The following ME1 variants were observed in gnomAD, a reference collection of about 807,000 sequenced individuals.
ME1 encodes NADP-dependent malic enzyme.
ME1 carries 74 observed loss-of-function variants against 66.4 expected under a neutral mutation model. That is an observed-to-expected ratio of 1.11 (90% CI 0.92 to 1.35). ME1 has a LOEUF of 1.35. ME1 is among the 40% of genes most tolerant of loss of function. The pLI, the probability that ME1 is intolerant of heterozygous loss-of-function variation, is 0.00. For missense variants in ME1, 750 were observed against 694.1 expected (o/e 1.08, Z -0.90); for synonymous variants, 251 against 235.6 (o/e 1.07, Z -0.60).
At position 83,348,984 on chromosome 6, in the gene ME1, C is replaced by CAAAAAAAAAAA. The variant is rs71545855; in HGVS notation, c.439-2661_439-2651dup. ...GGGCAACAAGAGCAAAACTCTGTCT[C>CAAAAAAAAAAA]AAAAAAAAAAAAAAAAACAAAAAAC... On this transcript the variant is annotated intron_variant, in intron 4 of 13. Coordinates refer to ENST00000369705, the MANE Select transcript of ME1 (RefSeq NM_002395.6). Among the ~76,000 whole-genome samples the CAAAAAAAAAAA allele has an allele frequency of 2.1e-4, 10 of 47,186 alleles. 2 individuals carry two copies. The highest frequency in any genetic ancestry group is 7.8e-4 in the African/African-American group (10 of 12,746). 31.0% of individuals were successfully genotyped at this position (47,186 alleles called of 152,430 possible).
intron 9 of ME1, among the ~76,000 whole-genome samples, chr6:83,234,388 C>T (rs1390682004): frequency 6.6e-6 from 1 of 152,130 alleles, no homozygotes; most frequent in Non-Finnish European, 1.5e-5. Flanking sequence ...TCCCGTATCT[C>T]CAACTGCCAA....
chr6:83,243,769 A>G (rs1275668340), intron 7 of ME1, among the ~76,000 whole-genome samples: 1 of 125,650 alleles, frequency 8.0e-6, no homozygotes, highest in Non-Finnish European at 1.5e-5. Context: ...ATATAATTAT[A>G]TTATATTTAT....
Position 83,399,975 on chromosome 6 carries a change from C to T in ME1, c.213-1459G>A, listed in dbSNP as rs555794037. Among the ~76,000 whole-genome samples the T allele has an allele frequency of 3.9e-5, 6 of 152,334 alleles. No homozygotes were observed. The South Asian group carries it at 1.2e-3, about 32-fold the overall frequency. On this transcript the variant is annotated intron_variant, in intron 2 of 13. Coordinates refer to ENST00000369705, the MANE Select transcript of ME1 (RefSeq NM_002395.6). ...CATTGCTAAATCAATGGTCCATTCT[C>T]AGACCTCATCTTACCTATCAGAATA...
At chr6:83,406,129 G>T (rs1426097675) in intron 2 of ME1, among the ~76,000 whole-genome samples, 1 of 152,196 alleles carries the variant, frequency 6.6e-6, no homozygotes, top group Non-Finnish European at 1.5e-5. Flanking sequence ...GATGGATTAC[G>T]TTTATTGATT....
intron 6 of ME1, among the ~76,000 whole-genome samples, chr6:83,302,511 G>T (rs1003375586): frequency 6.6e-6 from 1 of 152,124 alleles, no homozygotes; most frequent in Admixed American, 6.6e-5. Flanking sequence ...AAGGAAGAGA[G>T]AAAAGAATGA....
At chr6:83,292,731 G>A (rs1767527052) in intron 6 of ME1, among the ~76,000 whole-genome samples, 1 of 152,198 alleles carries the variant, frequency 6.6e-6, no homozygotes, top group African/African-American at 2.4e-5. Flanking sequence ...GTCCCCAGAG[G>A]TGGAATCTAG....
intron 6 of ME1, among the ~76,000 whole-genome samples, chr6:83,264,417 C>T (rs1766950639): frequency 6.6e-6 from 1 of 152,156 alleles, no homozygotes. Context: ...TTTAAACTTT[C>T]AAGTCTTATT....
At chr6:83,284,323 C>G (rs1350721305) in intron 6 of ME1, among the ~76,000 whole-genome samples, 2 of 152,036 alleles carry the variant, frequency 1.3e-5, no homozygotes, top group Non-Finnish European at 2.9e-5. Flanking sequence ...CAAAGAAAAG[C>G]TGGTCCATAT....
At chr6:83,384,621 T>A (rs1769474417) in intron 3 of ME1, among the ~76,000 whole-genome samples, 1 of 151,988 alleles carries the variant, frequency 6.6e-6, no homozygotes, top group South Asian at 2.1e-4. Context: ...TTTAATAGTT[T>A]CTTTTGCTGT....
chr6:83,290,188 C>T (rs1218907128), intron 6 of ME1, among the ~76,000 whole-genome samples: 1 of 151,950 alleles, frequency 6.6e-6, no homozygotes, highest in African/African-American at 2.4e-5. Flanking sequence ...TATGTTTGCT[C>T]TTGCTTCTCT....
intron 8 of ME1, among the ~76,000 whole-genome samples, chr6:83,239,011 G>C (rs1180232): frequency 0.45 from 67,414 of 151,192 alleles, 15,594 homozygotes; most frequent in African/African-American, 0.56. Context: ...ATTTGGTTTT[G>C]CTGCAGTCTC....
chr6:83,226,453 G>A (rs758881018), intron 11 of ME1, among the ~76,000 whole-genome samples: 31 of 152,122 alleles, frequency 2.0e-4, no homozygotes, highest in Non-Finnish European at 7.4e-5. Flanking sequence ...AAGGATTTAA[G>A]GACTACTGAA....
At chr6:83,364,688 T>C (rs777987834) in intron 3 of ME1, among the ~76,000 whole-genome samples, 14 of 152,132 alleles carry the variant, frequency 9.2e-5, no homozygotes, top group Non-Finnish European at 1.6e-4. Flanking sequence ...TTCATGCATA[T>C]GTATGTGAAT....
intron 2 of ME1, among the ~76,000 whole-genome samples, chr6:83,405,565 G>A (rs1033081194): frequency 4.2e-4 from 64 of 152,238 alleles, no homozygotes; most frequent in African/African-American, 1.3e-3. Flanking sequence ...GTGAGAGAGG[G>A]CATCCTTGTC....
intron 6 of ME1, among the ~76,000 whole-genome samples, chr6:83,298,411 T>C (rs1482671360): frequency 6.6e-6 from 1 of 152,078 alleles, no homozygotes; most frequent in Non-Finnish European, 1.5e-5. Flanking sequence ...GATGGGGCTG[T>C]GTGTTTTTTT....
Position 83,315,299 on chromosome 6 carries a change from A to T in ME1, c.704+11T>A. 6.6e-7 allele frequency: 1 copy of T among 1,519,694 alleles called. No individual in the cohort carries two copies. The highest frequency in any genetic ancestry group is 9.1e-7 in the Non-Finnish European group (1 of 1,100,078). 94.1% of individuals were successfully genotyped at this position (1,519,694 alleles called of 1,614,324 possible). A position where few individuals can be genotyped will look rare whatever the true frequency, so the allele number is the denominator to read the frequency against. ...TACTGACTAAAATATAGGTTAAATA[A>T]AGATACATACTTGGAAGAAACTGCC... On this transcript the variant is annotated intron_variant, in intron 6 of 13. Coordinates refer to ENST00000369705, the MANE Select transcript of ME1 (RefSeq NM_002395.6).
At chr6:83,237,424 G>GA (rs751892790) in intron 9 of ME1, among the ~76,000 whole-genome samples, 22 of 142,070 alleles carry the variant, frequency 1.5e-4, no homozygotes, top group Non-Finnish European at 3.1e-4. Flanking sequence ...AAGAAAGAAA[G>GA]AGAAAGGAAA....
chr6:83,266,033 A>G (rs1454387846), intron 6 of ME1, among the ~76,000 whole-genome samples: 2 of 152,222 alleles, frequency 1.3e-5, no homozygotes, highest in Non-Finnish European at 1.5e-5. Flanking sequence ...GATACTTAAA[A>G]TAATTGCTTG....
intron 3 of ME1, among the ~76,000 whole-genome samples, chr6:83,366,204 G>T (rs971321105): frequency 3.3e-5 from 5 of 152,124 alleles, no homozygotes; most frequent in Non-Finnish European, 7.4e-5. Context: ...GATGTTTTAA[G>T]GATTCATTTA....
Sources: allele counts gnomAD v4.1 joint callset (sites outside exome capture counted in the v4.1 genomes callset), GRCh38; gene constraint gnomAD v4.1.1; transcripts MANE v1.5; gene names NCBI Gene and HGNC (gene_info 2026-07-23, HGNC 2026-07-21).